The following RBM33 variants were observed in gnomAD, a reference collection of about 807,000 sequenced individuals.
RBM33 encodes RNA binding motif protein 33, also known as RNA-binding protein 33.
In RBM33, 28 loss-of-function variants were observed where a neutral mutation model predicts 132.6. The observed-to-expected ratio is 0.21, with a 90% CI of 0.16 to 0.29. The LOEUF (loss-of-function observed/expected upper bound fraction) is 0.29. Among genes scored for constraint, RBM33 ranks in the 10% least tolerant of loss-of-function variants. The pLI is 1.00. For synonymous variants in RBM33, 634 were observed against 593.0 expected, an observed-to-expected ratio of 1.07 and a Z score of -1.01; for missense variants, 1,291 against 1,518.5, an observed-to-expected ratio of 0.85 and a Z score of 2.49.
intron 11 of RBM33, chr7:155,739,165 C>A (rs1801233308): frequency 6.6e-6 from 1 of 151,818 alleles, no homozygotes; most frequent in South Asian, 2.1e-4. Flanking sequence ...ATCCCCATTG[C>A]AGAAATTTTC....
At chr7:155,670,792 C>T (rs1798923842) in intron 2 of RBM33, among the ~76,000 whole-genome samples, 1 of 152,220 alleles carries the variant, frequency 6.6e-6, no homozygotes, top group African/African-American at 2.4e-5. Context: ...CACTGTCCCC[C>T]ATCCTGTTTC....
chr7:155,717,201 G>A (rs1322879408), intron 8 of RBM33, among the ~76,000 whole-genome samples: 2 of 152,130 alleles, frequency 1.3e-5, no homozygotes, highest in Admixed American at 6.6e-5. Context: ...AACAAGCACC[G>A]CAAATAGGGT....
intron 5 of RBM33, among the ~76,000 whole-genome samples, chr7:155,691,020 G>A (rs904725502): frequency 6.6e-6 from 1 of 152,170 alleles, no homozygotes; most frequent in African/African-American, 2.4e-5. Flanking sequence ...GGCCTGCCTT[G>A]CTAGATTGGG....
At chr7:155,747,048 C>CT (rs558998664) in intron 14 of RBM33, among the ~76,000 whole-genome samples, 1 of 152,132 alleles carries the variant, frequency 6.6e-6, no homozygotes, top group Non-Finnish European at 1.5e-5. Flanking sequence ...TAGAACAAAA[C>CT]TTTGACTTTT....
At chr7:155,738,453 C>CT in intron 11 of RBM33, 50 bp downstream of exon 11, 1 of 1,488,374 alleles carries the variant, frequency 6.7e-7, no homozygotes, top group East Asian at 2.3e-5. Context: ...AGCTTCAAGG[C>CT]TTTGTGTTCC....
Position 155,776,109 on chromosome 7 carries a change from C to T in RBM33, c.*1068C>T, listed in dbSNP as rs7341463. 5.8e-4 allele frequency: 88 copies of T among 152,624 alleles called. No individual in the cohort carries two copies. The highest frequency in any genetic ancestry group is 2.0e-3 in the African/African-American group (83 of 41,560). The allele number at this position is 152,624 out of a possible 1,614,324, so 9.5% of individuals were successfully genotyped here. A position where few individuals can be genotyped will look rare whatever the true frequency, so the allele number is the denominator to read the frequency against. ...CTGTGTCATCATTGAAACTGCTTTT[C>T]GTAATTGCGGGTAGGTTCCTGTAGG... On this transcript the variant is annotated 3_prime_UTR_variant, in exon 18 of 18. Transcript: ENST00000401878. The surrounding 1 kb of genome is among the most constrained non-coding windows in gnomAD (Gnocchi z 4.0).
chr7:155,692,305 A>G (rs757134202), intron 5 of RBM33, among the ~76,000 whole-genome samples: 5 of 152,180 alleles, frequency 3.3e-5, no homozygotes, highest in Non-Finnish European at 5.9e-5. Context: ...CGTTTTGGTA[A>G]CATTGTCAGG....
chr7:155,765,907 G>A (rs906169765), intron 15 of RBM33, among the ~76,000 whole-genome samples: 5 of 152,192 alleles, frequency 3.3e-5, no homozygotes, highest in Non-Finnish European at 2.9e-5. Flanking sequence ...CGATGGAAAT[G>A]TGCAGCCACG....
intron 16 of RBM33, among the ~76,000 whole-genome samples, chr7:155,770,888 G>T (rs1225495177): frequency 6.6e-6 from 1 of 152,152 alleles, no homozygotes; most frequent in African/African-American, 2.4e-5. Flanking sequence ...TCGATCTTAC[G>T]GTTCTGGATG....
chr7:155,679,090 T>C (rs1368507245), intron 4 of RBM33, among the ~76,000 whole-genome samples: 2 of 152,310 alleles, frequency 1.3e-5, no homozygotes, highest in Non-Finnish European at 2.9e-5. Context: ...GAGAATTGCT[T>C]GATCCACAGA....
chr7:155,653,856 A>C (rs1209185753), intron 1 of RBM33, among the ~76,000 whole-genome samples: 1 of 152,212 alleles, frequency 6.6e-6, no homozygotes, highest in African/African-American at 2.4e-5. Flanking sequence ...GACTTCAGCC[A>C]GGGAGAAGTG....
rs1802780839 is a variant in RBM33, at chr7:155,780,528, C to G, written c.*5487C>G. 1 of 152,386 alleles carries G rather than the reference C, an allele frequency of 6.6e-6. No homozygotes were observed. The highest frequency in any genetic ancestry group is 6.5e-5 in the Admixed American group (1 of 15,290). 9.4% of individuals were successfully genotyped at this position (152,386 alleles called of 1,614,324 possible). ...CTCACCATGCCATGCTCTGGGCTCTCCCTCTCTGTCCATTTCTGTTTTGCT... is the reference window on the plus strand; with the variant it reads ...CTCACCATGCCATGCTCTGGGCTCTGCCTCTCTGTCCATTTCTGTTTTGCT... On this transcript the variant is annotated 3_prime_UTR_variant, in exon 18 of 18. Transcript: ENST00000401878.
intron 14 of RBM33, among the ~76,000 whole-genome samples, chr7:155,757,948 C>T (rs570652320): frequency 5.3e-5 from 8 of 152,160 alleles, no homozygotes; most frequent in Non-Finnish European, 1.2e-4. Flanking sequence ...TCAGAGCTTG[C>T]TTATCACCAA....
At position 155,645,830 on chromosome 7, in the gene RBM33, T is replaced by C. The variant is rs148923953; in HGVS notation, c.43+911T>C. Among the ~76,000 whole-genome samples the C allele has an allele frequency of 7.4e-3, 1,122 of 152,358 alleles. 19 individuals carry two copies. Among genetic ancestry groups the C allele is most frequent in the Non-Finnish European group, 8.5e-3 (579 of 68,030 alleles). The stretch of plus-strand genomic sequence containing the variant: ...TAGTGTATACTCGAGAAGTATTTTT[T>C]AGTAAATGCTAGCAGATGGTTACGT... On this transcript the variant is annotated intron_variant, in intron 1 of 17. Coordinates refer to ENST00000401878, the MANE Select transcript of RBM33 (RefSeq NM_053043.3).
At chr7:155,711,538 T>A in intron 8 of RBM33, 83 bp downstream of exon 8, 1 of 878,580 alleles carries the variant, frequency 1.1e-6, no homozygotes, top group Non-Finnish European at 1.6e-6. Context: ...ACTGACGCGT[T>A]TTTGACTTCA....
chr7:155,672,744 CAAAAAAAAA>C, intron 2 of RBM33, 114 bp from the exon 3 acceptor site: 35 of 349,930 alleles, frequency 1.0e-4, no homozygotes, highest in South Asian at 2.0e-4. Flanking sequence ...GGCTTTGTCT[CAAAAAAAAA>C]AAAAAAAAAA....
In RBM33 at chr7:155,644,776, C is replaced by G; in HGVS notation, c.-101C>G. On this transcript the variant is annotated 5_prime_UTR_variant, in exon 1 of 18. Transcript: ENST00000401878. ...CGCCTCTGCCTCCTGCAGCCCCCTC[C>G]CTTCTCTGTCCTCCGTCACCCGTAC... The G allele has an allele frequency of 2.0e-6, 2 of 1,009,442 alleles. No homozygotes were observed. The highest frequency in any genetic ancestry group is 2.7e-6 in the Non-Finnish European group (2 of 735,040). 62.5% of individuals were successfully genotyped at this position (1,009,442 alleles called of 1,614,324 possible).
In RBM33 at chr7:155,673,687, T is replaced by C. The variant is rs142641490; in HGVS notation, c.171+772T>C. On this transcript the variant is annotated intron_variant, in intron 3 of 17. Transcript: ENST00000401878. ...ATATACATACACACGTGTATATATA[T>C]ACACACATATATACATACACACGTG... 2.6e-3 allele frequency among the ~76,000 whole-genome samples: 327 copies of C among 125,438 alleles called. 30 individuals carry two copies. Among genetic ancestry groups the C allele is most frequent in the African/African-American group, 9.7e-3 (288 of 29,554 alleles). 82.3% of individuals were successfully genotyped at this position (125,438 alleles called of 152,430 possible).
intron 16 of RBM33, 128 bp downstream of exon 16, chr7:155,766,783 CAAAT>C (rs2117073882): frequency 1.1e-6 from 1 of 894,524 alleles, no homozygotes; most frequent in African/African-American, 1.7e-5. Context: ...GGAAGTAAGA[CAAAT>C]AACCTGTTGT....
Sources: gnomAD v4.1 joint callset for allele counts (sites outside exome capture counted in the v4.1 genomes callset) on GRCh38, gnomAD v4.1.1 for gene constraint, Gnocchi (gnomAD v3.1) non-coding constraint, MANE v1.5 for transcripts, NCBI Gene and HGNC (gene_info 2026-07-23, HGNC 2026-07-21) for gene names.